DECR1: variants seen among roughly 807,000 people sequenced by gnomAD.
The protein encoded by DECR1 is 2,4-dienoyl-CoA reductase [(3E)-enoyl-CoA-producing], mitochondrial.
In DECR1, 44 loss-of-function variants were observed where a neutral mutation model predicts 38.8. The ratio of observed to expected loss-of-function variants is 1.13; its 90% confidence interval spans 0.89 to 1.46. The LOEUF is 1.46. Among genes scored for constraint, DECR1 ranks in the 40% most tolerant of loss-of-function variants. The pLI, the probability that DECR1 is intolerant of heterozygous loss-of-function variation, is 0.00. For missense variants in DECR1, 428 were observed against 405.5 expected (o/e 1.06, Z -0.48); for synonymous variants, 148 against 135.2 (o/e 1.09, Z -0.66).
chr8:90,020,991 T>G lies in DECR1; in HGVS notation c.500T>G (p.Ile167Arg), dbSNP rs777957430. The G allele has an allele frequency of 6.9e-6, 11 of 1,596,988 alleles. No homozygotes were observed. The Admixed American group carries it at 2.0e-4, about 29-fold the overall frequency. Residue 167 changes from isoleucine (I) to arginine (R), a missense_variant, in exon 5 of 10, where the codon ATA becomes AGA. Ile to Arg is a moderately conservative substitution (Grantham distance 97). Transcript: ENST00000220764. The part of the protein sequence containing the change: ...SPNAWKTITD[I>R]VLNGTAFVTL... ...AATGCTTGGAAAACCATAACTGACA[T>G]AGTTCTAAATGGCACAGCCTTCGTG... is the stretch of plus-strand genomic sequence containing the variant.
intron 1 of DECR1, among the ~76,000 whole-genome samples, chr8:90,016,175 A>G (rs1813001766): frequency 6.6e-6 from 1 of 152,218 alleles, no homozygotes; most frequent in Admixed American, 6.5e-5. Flanking sequence ...TAACAGAAAT[A>G]TTCTGTTTTA....
intron 1 of DECR1, among the ~76,000 whole-genome samples, chr8:90,003,830 T>G (rs963944551): frequency 6.6e-6 from 1 of 152,048 alleles, no homozygotes; most frequent in African/African-American, 2.4e-5. Context: ...TCCCAGCTAC[T>G]TGGGAGGCTG....
Position 90,051,905 on chromosome 8 carries a change from T to C in DECR1, c.*8T>C. The C allele has an allele frequency of 6.2e-7, 1 of 1,613,154 alleles. No individual in the cohort carries two copies. Among genetic ancestry groups the C allele is most frequent in the Non-Finnish European group, 8.5e-7 (1 of 1,179,368 alleles). ...AAGACAAAAGGTTCCTAAGACCACTTTGGCCTTCATCTTGGTTACAGAAAA... is the reference window on the plus strand; with the variant it reads ...AAGACAAAAGGTTCCTAAGACCACTCTGGCCTTCATCTTGGTTACAGAAAA... On this transcript the variant is annotated 3_prime_UTR_variant, in exon 10 of 10. Transcript: ENST00000220764.
At chr8:90,006,114 A>G in intron 1 of DECR1, 2 of 674,304 alleles carry the variant, frequency 3.0e-6, no homozygotes, top group South Asian at 3.2e-5. Flanking sequence ...CACCTCCAAC[A>G]TTGGGGATCA....
intron 1 of DECR1, among the ~76,000 whole-genome samples, chr8:90,009,350 C>T (rs928539150): frequency 6.6e-6 from 1 of 152,078 alleles, no homozygotes; most frequent in Non-Finnish European, 1.5e-5. Flanking sequence ...TTGCTGATGA[C>T]TCTATTTAAA....
chr8:90,013,399 GTTTTTTTTTT>G (rs57505716), intron 1 of DECR1, among the ~76,000 whole-genome samples: 6 of 77,988 alleles, frequency 7.7e-5, no homozygotes, highest in African/African-American at 1.5e-4. Flanking sequence ...CTCTTCTTTC[GTTTTTTTTTT>G]TTTTTTTTTT....
chr8:90,044,632 T>A (rs1437530204), intron 7 of DECR1, among the ~76,000 whole-genome samples: 2 of 152,256 alleles, frequency 1.3e-5, no homozygotes, highest in Non-Finnish European at 2.9e-5. Context: ...AAGATAGATA[T>A]CCTCATTTTA....
chr8:90,017,190 C>T lies in DECR1; in HGVS notation c.136C>T (p.Pro46Ser). Residue 46 changes from proline (P) to serine (S), a missense_variant, in exon 2 of 10, where the codon CCT (proline) becomes TCT (serine). Transcript: ENST00000220764. ...AGCTTTGCAATCTAAATTCTTTTCA[C>T]CTCTTCAAAAAGCGATGCTACCACC... ...TEALQSKFFSPLQKAMLPPNS... is the reference protein window; with the variant it reads ...TEALQSKFFSSLQKAMLPPNS... 1 of 1,614,074 alleles carries T rather than the reference C, an allele frequency of 6.2e-7. No homozygotes were observed.
intron 1 of DECR1, chr8:90,005,929 G>C (rs1812726694): frequency 4.6e-6 from 2 of 438,052 alleles, no homozygotes; most frequent in Admixed American, 7.1e-5. Flanking sequence ...AGGGTGTTGG[G>C]AGGTGCCGGC....
chr8:90,031,851 G>T (rs1228933837), intron 5 of DECR1, among the ~76,000 whole-genome samples: 2 of 152,062 alleles, frequency 1.3e-5, no homozygotes, highest in South Asian at 4.1e-4. Flanking sequence ...AGGAGATGAG[G>T]CCAAGCAATG....
intron 5 of DECR1, among the ~76,000 whole-genome samples, chr8:90,030,297 C>T (rs1813465276): frequency 6.6e-6 from 1 of 152,060 alleles, no homozygotes. Flanking sequence ...TGTGGGGGTC[C>T]CCTGCTTTAG....
At position 90,017,636 on chromosome 8, in the gene DECR1, G is replaced by A. The variant is rs527971149; in HGVS notation, c.272+310G>A. ...ACACGAAGATGAAGTTAAAAAGTACGACATGGAGCCAGGTGGGATGGTGTG... is the reference window on the plus strand; with the variant it reads ...ACACGAAGATGAAGTTAAAAAGTACAACATGGAGCCAGGTGGGATGGTGTG... On this transcript the variant is annotated intron_variant, in intron 2 of 9. Transcript: ENST00000220764. Among the ~76,000 whole-genome samples, 330 of 152,228 alleles carry A rather than the reference G, an allele frequency of 2.2e-3. 1 individual carries two copies. Among genetic ancestry groups the A allele is most frequent in the Non-Finnish European group, 3.7e-3 (252 of 68,014 alleles).
At chr8:90,040,156 A>G (rs1289940402) in intron 6 of DECR1, among the ~76,000 whole-genome samples, 1 of 152,178 alleles carries the variant, frequency 6.6e-6, no homozygotes, top group Non-Finnish European at 1.5e-5. Flanking sequence ...TCATAGGATA[A>G]TATAGACTCT....
chr8:90,028,686 T>G (rs1813416076), intron 5 of DECR1, among the ~76,000 whole-genome samples: 2 of 152,188 alleles, frequency 1.3e-5, no homozygotes, highest in South Asian at 4.1e-4. Context: ...ACTTCCTTCT[T>G]TCCTTCCTCC....
At chr8:90,036,741 A>C (rs1302253270) in intron 5 of DECR1, 100 bp from the exon 6 acceptor site, 1 of 728,156 alleles carries the variant, frequency 1.4e-6, no homozygotes, top group African/African-American at 1.8e-5. Context: ...AGTTTTTCTT[A>C]TACCCTCTTT....
chr8:90,009,323 CCTT>C (rs1812825292), intron 1 of DECR1, among the ~76,000 whole-genome samples: 1 of 152,178 alleles, frequency 6.6e-6, no homozygotes, highest in African/African-American at 2.4e-5. Flanking sequence ...TCCAATGTCA[CCTT>C]CTCAATGAGG....
At chr8:90,031,220 G>C (rs995637595) in intron 5 of DECR1, among the ~76,000 whole-genome samples, 1 of 152,056 alleles carries the variant, frequency 6.6e-6, no homozygotes, top group Non-Finnish European at 1.5e-5. Context: ...TTCCTCCTAG[G>C]ATTGCTGTAA....
At chr8:90,012,685 G>GAA (rs1051959538) in intron 1 of DECR1, among the ~76,000 whole-genome samples, 16 of 152,314 alleles carry the variant, frequency 1.1e-4, no homozygotes, top group African/African-American at 3.8e-4. Context: ...ACTGGTGCCA[G>GAA]AAACTGTACT....
chr8:90,027,339 A>G (rs919491509), intron 5 of DECR1, among the ~76,000 whole-genome samples: 1 of 152,034 alleles, frequency 6.6e-6, no homozygotes, highest in Non-Finnish European at 1.5e-5. Flanking sequence ...GTCTCCCATT[A>G]TTATTGTGTG....
Sources: gnomAD v4.1 joint callset for allele counts (sites outside exome capture counted in the v4.1 genomes callset) on GRCh38, gnomAD v4.1.1 for gene constraint, MANE v1.5 for transcripts, NCBI Gene and HGNC (gene_info 2026-07-23, HGNC 2026-07-21) for gene names.